Variants in RIMS2 observed in about 807,000 individuals in gnomAD.
RIMS2 encodes regulating synaptic membrane exocytosis protein 2.
In RIMS2, 59 loss-of-function variants were observed where a neutral mutation model predicts 174.4. The observed-to-expected ratio is 0.34, with a 90% CI of 0.27 to 0.42. The LOEUF (loss-of-function observed/expected upper bound fraction) is 0.42. RIMS2 is among the 10% of genes least tolerant of loss of function. RIMS2 has a pLI of 1.00. For synonymous variants in RIMS2, 606 were observed against 572.5 expected (o/e 1.06, Z -0.84); for missense variants, 1,620 against 1,666.3 (o/e 0.97, Z 0.48).
chr8:104,055,667 A>G (rs2154559441), intron 19 of RIMS2, among the ~76,000 whole-genome samples: 1 of 152,350 alleles, frequency 6.6e-6, no homozygotes, highest in Non-Finnish European at 1.5e-5. Flanking sequence ...CTAAGTTACT[A>G]GAAGGTTAGT....
intron 19 of RIMS2, among the ~76,000 whole-genome samples, chr8:104,117,237 C>T (rs1226938047): frequency 2.0e-5 from 3 of 151,928 alleles, no homozygotes; most frequent in African/African-American, 2.4e-5. Context: ...GTTTTAATTA[C>T]GTCAATAATA....
chr8:104,105,556 A>G (rs1235700460), intron 19 of RIMS2, among the ~76,000 whole-genome samples: 3 of 151,990 alleles, frequency 2.0e-5, no homozygotes, highest in African/African-American at 7.3e-5. Flanking sequence ...ATGAAATTGG[A>G]CATCAGTGTT....
At chr8:104,070,460 A>G (rs2097177589) in intron 19 of RIMS2, among the ~76,000 whole-genome samples, 1 of 152,222 alleles carries the variant, frequency 6.6e-6, no homozygotes, top group African/African-American at 2.4e-5. Context: ...TTTGTAGCAA[A>G]TAATTCTATA....
intron 3 of RIMS2, among the ~76,000 whole-genome samples, chr8:103,856,680 T>C (rs1363112701): frequency 6.6e-6 from 1 of 152,252 alleles, no homozygotes; most frequent in Non-Finnish European, 1.5e-5. Flanking sequence ...ATTCTACTTA[T>C]GGTAAATATG....
rs937524511 is a variant in RIMS2, at chr8:104,068,668, G to A, written c.3334+54053G>A. ...AATAATCAATCATATGAAACAGTTA[G>A]ATTCTTTTAAACTACTAAATGCAGA... On this transcript the variant is annotated intron_variant, in intron 19 of 23. Coordinates refer to ENST00000504942, the Ensembl canonical transcript of RIMS2. 11 of 895,900 alleles carry A rather than the reference G, an allele frequency of 1.2e-5. No individual in the cohort carries two copies. The Admixed American group carries it at 1.8e-4, about 15-fold the overall frequency. The allele number at this position is 895,900 out of a possible 1,614,324, so 55.5% of individuals were successfully genotyped here. A position where few individuals can be genotyped will look rare whatever the true frequency, so the allele number is the denominator to read the frequency against.
chr8:103,527,718 A>G (rs1280197060), intron 1 of RIMS2, among the ~76,000 whole-genome samples: 2 of 152,108 alleles, frequency 1.3e-5, no homozygotes, highest in Non-Finnish European at 2.9e-5. Flanking sequence ...AAGGACATGA[A>G]CTCATCCTTT....
At chr8:103,910,347 A>G (rs778457742) in intron 5 of RIMS2, 26 of 1,599,730 alleles carry the variant, frequency 1.6e-5, no homozygotes, top group Non-Finnish European at 2.1e-5. Flanking sequence ...AAAAAGAAAA[A>G]CTAGTGAGCA....
At chr8:104,011,083 T>G (rs1339002001) in intron 17 of RIMS2, among the ~76,000 whole-genome samples, 8 of 152,144 alleles carry the variant, frequency 5.3e-5, no homozygotes, top group African/African-American at 9.6e-5. Context: ...TCTCAATCCC[T>G]TTAAGGGACC....
At chr8:104,249,403 C>A in intron 21 of RIMS2, 84 bp from the exon 28 acceptor site, 3 of 625,206 alleles carry the variant, frequency 4.8e-6, no homozygotes, top group Admixed American at 3.0e-5. Context: ...AATGATGAAA[C>A]GATGTTAAAC....
At chr8:104,153,874 A>G (rs2441865) in intron 19 of RIMS2, among the ~76,000 whole-genome samples, 117,870 of 152,148 alleles carry the variant, frequency 0.77, 46,550 homozygotes, top group East Asian at 1. Context: ...TGTGTCAGGG[A>G]CTCTGACAGG....
At chr8:103,775,456 TTTC>T (rs1013381267) in intron 3 of RIMS2, among the ~76,000 whole-genome samples, 5 of 152,150 alleles carry the variant, frequency 3.3e-5, no homozygotes, top group African/African-American at 9.6e-5. Flanking sequence ...TTCCTAGATA[TTTC>T]TTCTTATACT....
At chr8:103,809,398 C>A (rs983809499) in intron 3 of RIMS2, among the ~76,000 whole-genome samples, 1 of 151,966 alleles carries the variant, frequency 6.6e-6, no homozygotes, top group Non-Finnish European at 1.5e-5. Flanking sequence ...TAGTCTCTGT[C>A]TTCCCTGCTA....
At chr8:104,131,835 A>T (rs539790777) in intron 19 of RIMS2, among the ~76,000 whole-genome samples, 1 of 152,314 alleles carries the variant, frequency 6.6e-6, no homozygotes, top group Non-Finnish European at 1.5e-5. Flanking sequence ...ATTTCTGGCA[A>T]ATACCTTTAT....
chr8:104,058,782 C>T (rs1004654930), intron 19 of RIMS2, among the ~76,000 whole-genome samples: 29 of 152,202 alleles, frequency 1.9e-4, no homozygotes, highest in African/African-American at 6.8e-4. Context: ...CAGCTTTCTA[C>T]GTATGGCTAG....
intron 19 of RIMS2, among the ~76,000 whole-genome samples, chr8:104,241,829 G>A (rs972288949): frequency 2.6e-5 from 4 of 152,022 alleles, no homozygotes; most frequent in South Asian, 2.1e-4. Flanking sequence ...GTGCAATTTC[G>A]GCTCACTGCA....
chr8:104,086,655 G>C (rs2097542246), intron 19 of RIMS2, among the ~76,000 whole-genome samples: 1 of 151,884 alleles, frequency 6.6e-6, no homozygotes, highest in South Asian at 2.1e-4. Flanking sequence ...AGTAAGTCTT[G>C]GCATACATGC....
intron 8 of RIMS2, among the ~76,000 whole-genome samples, chr8:103,917,243 C>T (rs1215556866): frequency 6.6e-6 from 1 of 152,078 alleles, no homozygotes; most frequent in Non-Finnish European, 1.5e-5. Context: ...AGGGTGAAGC[C>T]TACAGAAATC....
rs118145007 is a variant in RIMS2 at position 103,572,222 on chromosome 8, A to G, written c.176+71160A>G. Among the ~76,000 whole-genome samples the G allele has an allele frequency of 2.8e-3, 428 of 152,286 alleles. 20 individuals carry two copies. In the East Asian group the frequency reaches 0.078, roughly 28 times the overall value. On this transcript the variant is annotated intron_variant, in intron 1 of 23. Coordinates refer to ENST00000504942, the Ensembl canonical transcript of RIMS2. ...TTAAAGGTGCCGCGGACCCAGAGTG[A>G]GCAGCAGTAAGATTTATTGTGAAGA...
intron 1 of RIMS2, among the ~76,000 whole-genome samples, chr8:103,616,473 C>T (rs993322858): frequency 3.3e-5 from 5 of 152,244 alleles, no homozygotes; most frequent in African/African-American, 4.8e-5. Context: ...GCAAGAATGC[C>T]CTCTCTCACC....
Sources: gnomAD v4.1 joint callset for allele counts (sites outside exome capture counted in the v4.1 genomes callset) on GRCh38, gnomAD v4.1.1 for gene constraint, MANE v1.5 for transcripts, NCBI Gene and HGNC (gene_info 2026-07-23, HGNC 2026-07-21) for gene names.